LIPG: variants seen among roughly 807,000 people sequenced by gnomAD.
The protein encoded by LIPG is endothelial lipase.
A neutral mutation model predicts 51.8 loss-of-function variants in LIPG; 34 were observed. That is an observed-to-expected ratio of 0.66 (90% CI 0.50 to 0.87). LIPG has a LOEUF of 0.87. LIPG is among the 40% of genes least tolerant of loss of function. LIPG has a pLI of 0.00. For synonymous variants in LIPG, 246 were observed against 246.1 expected (o/e 1.00, Z 0.00); for missense variants, 580 against 652.7 (o/e 0.89, Z 1.21).
At chr18:49,584,931 A>G (rs2084866103) in intron 8 of LIPG, among the ~76,000 whole-genome samples, 1 of 152,194 alleles carries the variant, frequency 6.6e-6, no homozygotes, top group Non-Finnish European at 1.5e-5. Flanking sequence ...AAAAAGTAAA[A>G]CATTATAGAT....
Position 49,599,080 on chromosome 18 carries a change from A to G in LIPG, c.*8558A>G, listed in dbSNP as rs542164273. 1.3e-5 allele frequency: 2 copies of G among 152,344 alleles called. No individual in the cohort carries two copies. Among genetic ancestry groups the G allele is most frequent in the East Asian group, 3.9e-4 (2 of 5,192 alleles). The allele number at this position is 152,344 out of a possible 1,614,324, so 9.4% of individuals were successfully genotyped here. On this transcript the variant is annotated 3_prime_UTR_variant, in exon 10 of 10. Coordinates refer to ENST00000261292, the MANE Select transcript of LIPG (RefSeq NM_006033.4). ...TGCTACTATGAACATTTGCATATGA[A>G]TCCTTGTATGGACATGAACTTTCAT...
chr18:49,579,234 G>GAGGGCT (rs2084787477), intron 5 of LIPG, among the ~76,000 whole-genome samples: 1 of 125,888 alleles, frequency 7.9e-6, no homozygotes, highest in Non-Finnish European at 1.6e-5. Flanking sequence ...GGGAGAGGGA[G>GAGGGCT]AGGGCTCACC....
rs1314528054 is a variant in LIPG, at chr18:49,592,942, T to TC, written c.*2420_*2421insC. 2 of 144,204 alleles carry TC rather than the reference T, an allele frequency of 1.4e-5. No homozygotes were observed. The highest frequency in any genetic ancestry group is 3.0e-5 in the Non-Finnish European group (2 of 65,794). 8.9% of individuals were successfully genotyped at this position (144,204 alleles called of 1,614,324 possible). A position where few individuals can be genotyped will look rare whatever the true frequency, so the allele number is the denominator to read the frequency against. The stretch of plus-strand genomic sequence containing the variant: ...CAACTCAATTTTTTTTTTTTTTTTT[T>TC]TTTTTTTTGAGACAGAGCCTCTCTC... On this transcript the variant is annotated 3_prime_UTR_variant, in exon 10 of 10. Coordinates refer to ENST00000261292, the MANE Select transcript of LIPG (RefSeq NM_006033.4).
Position 49,569,517 on chromosome 18 carries a change from C to T in LIPG, c.540C>T (p.Asn180=). The change falls in exon 4 of 10, where the codon AAC becomes AAT. Residue 180 remains asparagine (N), a synonymous_variant. Transcript: ENST00000261292. Reference sequence around the variant, plus strand: ...CGCACGTGGCCGGGTATGCAGGCAACTTCGTGAAAGGAACGGTGGGCCGAA... The same window carrying T: ...CGCACGTGGCCGGGTATGCAGGCAATTTCGTGAAAGGAACGGTGGGCCGAA... ...LGAHVAGYAG[N]FVKGTVGRIT... is the part of the protein sequence containing the mutation. 1 of 1,614,168 alleles carries T rather than the reference C, an allele frequency of 6.2e-7. No homozygotes were observed. The highest frequency in any genetic ancestry group is 8.5e-7 in the Non-Finnish European group (1 of 1,180,030).
intron 5 of LIPG, among the ~76,000 whole-genome samples, chr18:49,576,126 C>T (rs1346495148): frequency 6.6e-6 from 1 of 152,054 alleles, no homozygotes; most frequent in Non-Finnish European, 1.5e-5. Context: ...GTGTGAGCCA[C>T]CGCACCCGGC....
rs749878075 is a variant in LIPG at position 49,590,505 on chromosome 18, A to G, written c.1486A>G (p.Thr496Ala). ...GWRMKNETSPTVELP is the reference protein window; with the variant it reads ...GWRMKNETSPAVELP ...CTCTCACACGGTTTCTTTCAGTCCCACTGTGGAGCTTCCCTGAGGGTGCCC... is the reference window on the plus strand; with the variant it reads ...CTCTCACACGGTTTCTTTCAGTCCCGCTGTGGAGCTTCCCTGAGGGTGCCC... Residue 496 changes from threonine (T) to alanine (A), a missense_variant, in exon 10 of 10, where the codon ACT (threonine) becomes GCT (alanine). By Grantham distance (58) the Thr-to-Ala change is moderately conservative. Transcript: ENST00000261292. 19 of 1,602,686 alleles carry G rather than the reference A, an allele frequency of 1.2e-5. No individual in the cohort carries two copies. Among genetic ancestry groups the G allele is most frequent in the Admixed American group, 5.1e-5 (3 of 59,038 alleles).
At chr18:49,573,494 C>T (rs531010317) in intron 4 of LIPG, among the ~76,000 whole-genome samples, 34 of 151,818 alleles carry the variant, frequency 2.2e-4, no homozygotes, top group African/African-American at 7.5e-4. Flanking sequence ...GCAGGAGAAT[C>T]GCTTGAACCC....
intron 2 of LIPG, among the ~76,000 whole-genome samples, chr18:49,566,278 T>C (rs1384698744): frequency 3.3e-5 from 5 of 152,144 alleles, no homozygotes; most frequent in Non-Finnish European, 4.4e-5. Context: ...CCTAGTTGAA[T>C]GAAGAGATGA....
intron 4 of LIPG, among the ~76,000 whole-genome samples, chr18:49,570,854 A>G (rs2084654266): frequency 6.6e-6 from 1 of 152,206 alleles, no homozygotes; most frequent in African/African-American, 2.4e-5. Flanking sequence ...ACTCAGGTAG[A>G]AGAGAGTCCT....
At chr18:49,566,942 G>A (rs57127915) in intron 2 of LIPG, among the ~76,000 whole-genome samples, 6,551 of 152,286 alleles carry the variant, frequency 0.043, 459 homozygotes, top group African/African-American at 0.15. Flanking sequence ...GGGGATGTAA[G>A]GAGCAATGGA....
At chr18:49,567,370 T>A in intron 2 of LIPG, 72 bp from the exon 3 acceptor site, 1 of 1,480,928 alleles carries the variant, frequency 6.8e-7, no homozygotes, top group South Asian at 1.2e-5. Context: ...GAGGGTCATA[T>A]AGAAAGGAAT....
upstream of LIPG, chr18:49,561,673 A>G (rs3813082): frequency 8.1e-7 from 1 of 1,239,736 alleles, no homozygotes; most frequent in Non-Finnish European, 1.0e-6. Context: ...TGTGGCTTTG[A>G]GCCTTGGAGA....
rs2084995156 is a variant in LIPG, at chr18:49,598,806, C to G, written c.*8284C>G. 6.6e-6 allele frequency: 1 copy of G among 152,194 alleles called. No homozygotes were observed. The highest frequency in any genetic ancestry group is 6.5e-5 in the Admixed American group (1 of 15,278). The allele number at this position is 152,194 out of a possible 1,614,324, so 9.4% of individuals were successfully genotyped here. On this transcript the variant is annotated 3_prime_UTR_variant, in exon 10 of 10. Coordinates refer to ENST00000261292, the MANE Select transcript of LIPG (RefSeq NM_006033.4). Reference sequence around the variant, plus strand: ...GGTTGTCCCTGATCTGCTTTTTGTCCTTGTAGATTAGTTGCATTTTCTAGA... The same window carrying G: ...GGTTGTCCCTGATCTGCTTTTTGTCGTTGTAGATTAGTTGCATTTTCTAGA...
Position 49,575,565 on chromosome 18 carries a change from T to A in LIPG, c.768T>A (p.Asp256Glu). ...GDFQPGCGLN[D>E]VLGSIAYGTI... ...TCCAGCCAGGCTGTGGACTCAACGA[T>A]GTCTTGGGATCAATTGCATATGGAA... is the stretch of plus-strand genomic sequence containing the variant. The change falls in exon 5 of 10, where the codon GAT becomes GAA. Residue 256 changes from aspartate (D) to glutamate (E), a missense_variant. Physicochemically the swap from Asp to Glu is conservative, Grantham distance 45. Transcript: ENST00000261292. 1 of 1,614,216 alleles carries A rather than the reference T, an allele frequency of 6.2e-7. No individual in the cohort carries two copies. Among genetic ancestry groups the A allele is most frequent in the Non-Finnish European group, 8.5e-7 (1 of 1,180,040 alleles).
In LIPG at chr18:49,575,671, A is replaced by T. The variant is rs929549280; in HGVS notation, c.793+81A>T. ...AATCAGCCAGAGCCTTTAGCACTGC[A>T]GGCACTATTTATTCATTATTCTCAC... On this transcript the variant is annotated intron_variant, in intron 5 of 9. Transcript: ENST00000261292. 17 of 1,108,046 alleles carry T rather than the reference A, an allele frequency of 1.5e-5. No homozygotes were observed. The African/African-American group carries it at 2.5e-4, about 16-fold the overall frequency. 68.6% of individuals were successfully genotyped at this position (1,108,046 alleles called of 1,614,324 possible). A position where few individuals can be genotyped will look rare whatever the true frequency, so the allele number is the denominator to read the frequency against.
chr18:49,575,088 G>C (rs2084701911), intron 4 of LIPG, among the ~76,000 whole-genome samples: 1 of 152,212 alleles, frequency 6.6e-6, no homozygotes, highest in Admixed American at 6.5e-5. Context: ...GAAACTTGTG[G>C]CTAGTTGACG....
chr18:49,575,514 T>C lies in LIPG; in HGVS notation c.717T>C (p.Ile239=). Residue 239 remains isoleucine (I), a synonymous_variant, in exon 5 of 10, where the codon ATT becomes ATC. Coordinates refer to ENST00000261292, the MANE Select transcript of LIPG (RefSeq NM_006033.4). ...GTATTCAGATGCCTGTGGGCCACATTGACATCTACCCCAATGGGGGTGACT... is the reference window on the plus strand; with the variant it reads ...GTATTCAGATGCCTGTGGGCCACATCGACATCTACCCCAATGGGGGTGACT... ...SIGIQMPVGH[I]DIYPNGGDFQ... 2 of 1,614,224 alleles carry C rather than the reference T, an allele frequency of 1.2e-6. No homozygotes were observed. Among genetic ancestry groups the C allele is most frequent in the Non-Finnish European group, 1.7e-6 (2 of 1,180,032 alleles).
At chr18:49,588,265 C>T (rs189463212) in intron 9 of LIPG, among the ~76,000 whole-genome samples, 403 of 151,038 alleles carry the variant, frequency 2.7e-3, no homozygotes, top group African/African-American at 7.9e-3. Context: ...TAAGTGTGGG[C>T]CTAATTCTCC....
In LIPG at chr18:49,593,285, G is replaced by A. The variant is rs559164647; in HGVS notation, c.*2763G>A. 3.9e-4 allele frequency: 59 copies of A among 152,140 alleles called. No individual in the cohort carries two copies. Among genetic ancestry groups the A allele is most frequent in the African/African-American group, 1.3e-3 (55 of 41,508 alleles). 9.4% of individuals were successfully genotyped at this position (152,140 alleles called of 1,614,324 possible). A position where few individuals can be genotyped will look rare whatever the true frequency, so the allele number is the denominator to read the frequency against. On this transcript the variant is annotated 3_prime_UTR_variant, in exon 10 of 10. Transcript: ENST00000261292. The stretch of plus-strand genomic sequence containing the variant: ...ATATAGCTGCCCCAACCTAGAGTCT[G>A]ACAAAAAGTTACTCTAATATAAGGC...
Sources: gnomAD v4.1 joint callset for allele counts (sites outside exome capture counted in the v4.1 genomes callset) on GRCh38, gnomAD v4.1.1 for gene constraint, MANE v1.5 for transcripts, NCBI Gene and HGNC (gene_info 2026-07-23, HGNC 2026-07-21) for gene names.